Variants in DYSF observed in about 807,000 individuals in gnomAD.
The protein encoded by DYSF is dysferlin, also known as dystrophy-associated fer-1-like 1.
A neutral mutation model predicts 274.9 loss-of-function variants in DYSF; 212 were observed. The ratio of observed to expected loss-of-function variants is 0.77; its 90% CI spans 0.69 to 0.86. The LOEUF (loss-of-function observed/expected upper bound fraction) is 0.86, where lower values mean the gene tolerates loss of function less well. Ranked by LOEUF, DYSF falls within the 40% of genes least tolerant of loss-of-function variation. The pLI is 0.00. For missense variants in DYSF, 2,666 were observed against 2,783.2 expected (o/e 0.96, Z 0.95); for synonymous variants, 1,091 against 1,078.7 (o/e 1.01, Z -0.22).
chr2:71,553,848 G>T lies in DYSF; in HGVS notation c.2026G>T (p.Val676Leu). The change falls in exon 21 of 56, where the codon GTG becomes TTG. Residue 676 changes from valine (V) to leucine (L), a missense_variant. Val to Leu is a conservative substitution (Grantham distance 32). Around this residue, in one of 3 missense-constraint regions of DYSF, gnomAD observed 412 missense variants for 504.0 expected, o/e 0.82. Coordinates refer to ENST00000410020, the MANE Select transcript of DYSF (RefSeq NM_001130987.2). ...YYLPWGNVKP[V>L]VVLSSYWEDI... Reference sequence around the variant, plus strand: ...CCTACCCTGGGGTAACGTGAAACCTGTGGTGGTGCTGTCATCCTACTGGGA... The same window carrying T: ...CCTACCCTGGGGTAACGTGAAACCTTTGGTGGTGCTGTCATCCTACTGGGA... 6.2e-7 allele frequency: 1 copy of T among 1,606,458 alleles called. No individual in the cohort carries two copies. Among genetic ancestry groups the T allele is most frequent in the Non-Finnish European group, 8.5e-7 (1 of 1,175,670 alleles).
intron 40 of DYSF, among the ~76,000 whole-genome samples, chr2:71,619,495 G>A (rs1217334543): frequency 2.0e-5 from 3 of 152,128 alleles, no homozygotes; most frequent in Non-Finnish European, 2.9e-5. Flanking sequence ...TTTGGGCATC[G>A]GGGGAGTGTC....
chr2:71,608,576 C>T (rs1337386477), intron 36 of DYSF, among the ~76,000 whole-genome samples: 1 of 152,156 alleles, frequency 6.6e-6, no homozygotes, highest in Non-Finnish European at 1.5e-5. Flanking sequence ...CGCTCCGCAG[C>T]TGTGTGCTCC....
At position 71,515,652 on chromosome 2, in the gene DYSF, G is replaced by T. The variant is rs753111065; in HGVS notation, c.789G>T (p.Gln263His). Reference sequence around the variant, plus strand: ...GGGTCCAGGTGATCGAGGGGCGCCAGCTGCCGGGGGTGAACATCAAGCCTG... The same window carrying T: ...GGGTCCAGGTGATCGAGGGGCGCCATCTGCCGGGGGTGAACATCAAGCCTG... ...QIRVQVIEGR[Q>H]LPGVNIKPVV... The change falls in exon 8 of 56, where the codon CAG (glutamine) becomes CAT (histidine). Residue 263 changes from glutamine (Q) to histidine (H), a missense_variant. This residue lies in a region of DYSF where 794 missense variants were observed against 777.1 expected (regional missense o/e 1.02). Transcript: ENST00000410020. The T allele has an allele frequency of 6.2e-7, 1 of 1,614,018 alleles. No homozygotes were observed.
intron 3 of DYSF, among the ~76,000 whole-genome samples, chr2:71,482,185 G>A (rs2082970391): frequency 6.6e-6 from 1 of 152,168 alleles, no homozygotes; most frequent in Non-Finnish European, 1.5e-5. Context: ...CAGGCTACAG[G>A]GGAGGGAAGA....
At chr2:71,555,913 G>T in intron 21 of DYSF, 52 bp from the exon 22 acceptor site, 2 of 1,440,942 alleles carry the variant, frequency 1.4e-6, no homozygotes, top group Non-Finnish European at 1.9e-6. Flanking sequence ...GGTCCAGCAT[G>T]CACCCTCTGC....
chr2:71,530,189 G>A (rs925150675), intron 14 of DYSF, among the ~76,000 whole-genome samples: 2 of 149,954 alleles, frequency 1.3e-5, no homozygotes, highest in African/African-American at 4.9e-5. Context: ...AAGGTAGGAA[G>A]GAAACAGGAA....
intron 52 of DYSF, among the ~76,000 whole-genome samples, chr2:71,675,457 G>A (rs1032471090): frequency 3.9e-5 from 6 of 152,190 alleles, no homozygotes; most frequent in African/African-American, 1.4e-4. Flanking sequence ...TGGAGAAGGT[G>A]AGTCGTTCTT....
rs1460190468 is a variant in DYSF, at chr2:71,565,759, TATC to T, written c.2565+1550_2565+1552del. On this transcript the variant is annotated intron_variant, in intron 24 of 55. Coordinates refer to ENST00000410020, the MANE Select transcript of DYSF (RefSeq NM_001130987.2). ...AACCTCTCTGAATTGCCTGTTGTCT[TATC>T]ATCTGTAAAATGAGGGTGGGTGGGG... is the stretch of plus-strand genomic sequence containing the variant. Among the ~76,000 whole-genome samples, 6 of 152,314 alleles carry T rather than the reference TATC, an allele frequency of 3.9e-5. No individual in the cohort carries two copies. In the East Asian group the frequency reaches 9.6e-4, roughly 24 times the overall value.
intron 22 of DYSF, among the ~76,000 whole-genome samples, chr2:71,557,399 G>A (rs903472102): frequency 1.3e-5 from 2 of 152,226 alleles, no homozygotes; most frequent in Non-Finnish European, 2.9e-5. Flanking sequence ...CTCCTGGGTG[G>A]GGGAAGTGGC....
chr2:71,663,192 G>A (rs1383924499), intron 45 of DYSF, among the ~76,000 whole-genome samples: 5 of 152,136 alleles, frequency 3.3e-5, no homozygotes, highest in Admixed American at 6.5e-5. Context: ...GCCCACCACC[G>A]CTGTCATCCG....
rs2091305699 is a variant in DYSF at position 71,555,950 on chromosome 2, C to T, written c.2110-15C>T. ...CTGTGGTGACACACCTGACCCTTGC[C>T]TGCCCATTCCACAGGAAGCTGGCCT... On this transcript the variant is annotated splice_polypyrimidine_tract_variant and intron_variant, in intron 21 of 55. Transcript: ENST00000410020. The T allele has an allele frequency of 6.4e-7, 1 of 1,552,830 alleles. No individual in the cohort carries two copies. The highest frequency in any genetic ancestry group is 1.4e-5 in the African/African-American group (1 of 73,510).
At chr2:71,682,429 C>A in intron 54 of DYSF, 101 bp from the exon 55 acceptor site, 1 of 1,476,388 alleles carries the variant, frequency 6.8e-7, no homozygotes, top group African/African-American at 1.4e-5. Flanking sequence ...TGGGGGTGGA[C>A]TGTGGAGGGC....
intron 30 of DYSF, among the ~76,000 whole-genome samples, chr2:71,580,713 TG>T (rs970951877): frequency 1.3e-5 from 2 of 152,178 alleles, no homozygotes; most frequent in African/African-American, 4.8e-5. Context: ...TGTGCTAGCA[TG>T]GGCGGCTTGA....
upstream of DYSF, among the ~76,000 whole-genome samples, chr2:71,462,500 G>T (rs150772013): frequency 4.6e-5 from 7 of 152,152 alleles, no homozygotes; most frequent in South Asian, 2.1e-4. Flanking sequence ...GGGTTGGGGT[G>T]GGGGGCAGGC....
intron 51 of DYSF, among the ~76,000 whole-genome samples, chr2:71,673,099 G>T (rs1163289072): frequency 6.6e-6 from 1 of 152,204 alleles, no homozygotes; most frequent in African/African-American, 2.4e-5. Context: ...TGCAGAGTTG[G>T]GTCCAGGCCC....
Position 71,565,246 on chromosome 2 carries a change from C to CTTTTTTTTTTTTTTTTTTTTTT in DYSF, c.2565+1051_2565+1052insTTTTTTTTTTTTTTTTTTTTTT, listed in dbSNP as rs796705736. Among the ~76,000 whole-genome samples, 42 of 131,300 alleles carry CTTTTTTTTTTTTTTTTTTTTTT rather than the reference C, an allele frequency of 3.2e-4. 1 individual carries two copies. The highest frequency in any genetic ancestry group is 1.2e-3 in the African/African-American group (41 of 34,532). 86.1% of individuals were successfully genotyped at this position (131,300 alleles called of 152,430 possible). A position where few individuals can be genotyped will look rare whatever the true frequency, so the allele number is the denominator to read the frequency against. Reference sequence around the variant, plus strand: ...TAGGCGTTTGCCAACCCACCCAGCTCTTTTTTTTTTTTTTTTTTAATTTTA... The same window carrying CTTTTTTTTTTTTTTTTTTTTTT: ...TAGGCGTTTGCCAACCCACCCAGCTCTTTTTTTTTTTTTTTTTTTTTTTTTTTTTTTTTTTTTTTTAATTTTA... On this transcript the variant is annotated intron_variant, in intron 24 of 55. Transcript: ENST00000410020.
chr2:71,669,322 C>T, intron 50 of DYSF, 115 bp downstream of exon 50: 3 of 998,140 alleles, frequency 3.0e-6, no homozygotes, highest in South Asian at 2.8e-5. Context: ...AACAAACTTC[C>T]AACGAGGGCT....
At chr2:71,624,060 C>T (rs1160907786) in intron 41 of DYSF, among the ~76,000 whole-genome samples, 2 of 122,846 alleles carry the variant, frequency 1.6e-5, no homozygotes, top group Admixed American at 1.6e-4. Flanking sequence ...CAAAGTGAGA[C>T]CTTGTTGCAA....
intron 31 of DYSF, among the ~76,000 whole-genome samples, 158 bp downstream of exon 31, chr2:71,589,844 T>C (rs531423510): frequency 2.8e-4 from 42 of 152,242 alleles, no homozygotes; most frequent in Non-Finnish European, 4.4e-4. Context: ...TGTGTGTGTG[T>C]GCGCGCGTGC....
Sources: gnomAD v4.1 joint callset for allele counts (sites outside exome capture counted in the v4.1 genomes callset) on GRCh38, gnomAD v4.1.1 for gene constraint, gnomAD v4.1.1 regional missense constraint, MANE v1.5 for transcripts, NCBI Gene and HGNC (gene_info 2026-07-23, HGNC 2026-07-21) for gene names.